ATP8A2: variants seen among roughly 807,000 people sequenced by gnomAD.
ATP8A2 encodes ATPase phospholipid transporting 8A2.
ATP8A2 carries 100 observed loss-of-function variants against 165.6 expected under a neutral mutation model. The observed-to-expected ratio is 0.60, with a 90% CI of 0.51 to 0.71. The LOEUF (loss-of-function observed/expected upper bound fraction) is 0.71, where lower values mean the gene tolerates loss of function less well. Ranked by LOEUF, ATP8A2 falls within the 30% of genes least tolerant of loss-of-function variation. The probability of loss-of-function intolerance (pLI) is 0.00; values close to 1 mark genes in which losing one functional copy is unlikely to be tolerated. For missense variants in ATP8A2, 1,227 were observed against 1,479.5 expected (o/e 0.83, Z 2.80); for synonymous variants, 543 against 548.8 (o/e 0.99, Z 0.15).
In ATP8A2 at chr13:25,870,021, G is replaced by T. The variant is rs538923884; in HGVS notation, c.3183+7613G>T. On this transcript the variant is annotated intron_variant, in intron 33 of 36. Coordinates refer to ENST00000381655, the MANE Select transcript of ATP8A2 (RefSeq NM_016529.6). ...CGTGGGCTTGGAGAATGAGTGCAAGGTGTTATTGAGTGGAAGTATCTCTCA... is the reference window on the plus strand; with the variant it reads ...CGTGGGCTTGGAGAATGAGTGCAAGTTGTTATTGAGTGGAAGTATCTCTCA... 2.5e-4 allele frequency among the ~76,000 whole-genome samples: 38 copies of T among 152,336 alleles called. 1 individual carries two copies. Among genetic ancestry groups the T allele is most frequent in the Admixed American group, 1.7e-3 (26 of 15,300 alleles).
chr13:25,376,212 C>T (rs1187879912), intron 1 of ATP8A2, among the ~76,000 whole-genome samples: 1 of 152,202 alleles, frequency 6.6e-6, no homozygotes, highest in Non-Finnish European at 1.5e-5. Flanking sequence ...GCCCACCTGC[C>T]TAGTTCAATA....
chr13:25,405,518 G>A (rs9581335), intron 1 of ATP8A2, among the ~76,000 whole-genome samples: 6,969 of 152,016 alleles, frequency 0.046, 527 homozygotes, highest in African/African-American at 0.16. Context: ...CCCTCGCTTC[G>A]GACCTCTCTC....
At chr13:25,824,450 C>T (rs932198470) in intron 27 of ATP8A2, among the ~76,000 whole-genome samples, 2 of 152,156 alleles carry the variant, frequency 1.3e-5, no homozygotes, top group South Asian at 2.1e-4. Flanking sequence ...AGATTTTCTT[C>T]GGCCGTGTGG....
At chr13:25,734,762 C>T (rs528456329) in intron 25 of ATP8A2, among the ~76,000 whole-genome samples, 1 of 152,262 alleles carries the variant, frequency 6.6e-6, no homozygotes, top group East Asian at 1.9e-4. Context: ...CCTCAGCCTC[C>T]TAAGTAGCTG....
intron 25 of ATP8A2, among the ~76,000 whole-genome samples, chr13:25,719,259 G>A (rs1364946546): frequency 6.6e-6 from 1 of 151,392 alleles, no homozygotes; most frequent in African/African-American, 2.5e-5. Context: ...GGGATTGCTT[G>A]TTTTAATTGA....
At chr13:25,805,375 G>A (rs1312738624) in intron 27 of ATP8A2, among the ~76,000 whole-genome samples, 1 of 152,014 alleles carries the variant, frequency 6.6e-6, no homozygotes, top group Non-Finnish European at 1.5e-5. Context: ...AATTAGCCAG[G>A]CATGGTGGTG....
chr13:25,467,556 G>GTTTT (rs543308826), intron 1 of ATP8A2, among the ~76,000 whole-genome samples: 1 of 143,590 alleles, frequency 7.0e-6, no homozygotes, highest in Admixed American at 6.9e-5. Context: ...TAAGATGTCA[G>GTTTT]TTTTTTTTTT....
intron 18 of ATP8A2, among the ~76,000 whole-genome samples, chr13:25,574,524 G>A (rs2039560217): frequency 6.6e-6 from 1 of 152,178 alleles, no homozygotes. Flanking sequence ...GCATAACTGG[G>A]CCAAAGGTTT....
intron 1 of ATP8A2, among the ~76,000 whole-genome samples, chr13:25,455,728 T>A (rs2035348459): frequency 6.6e-6 from 1 of 152,178 alleles, no homozygotes; most frequent in African/African-American, 2.4e-5. Context: ...GCTTCTGAGG[T>A]CAATTGCTGC....
chr13:25,502,919 T>C (rs1417305221), intron 2 of ATP8A2, among the ~76,000 whole-genome samples: 1 of 152,178 alleles, frequency 6.6e-6, no homozygotes, highest in African/African-American at 2.4e-5. Context: ...TTAAGAGGCA[T>C]TGTCAAACCT....
intron 33 of ATP8A2, among the ~76,000 whole-genome samples, chr13:25,946,477 A>ACTCCTCC (rs1955214986): frequency 6.6e-6 from 1 of 152,132 alleles, no homozygotes; most frequent in Non-Finnish European, 1.5e-5. Flanking sequence ...GTCCATCCCA[A>ACTCCTCC]CATCTTCAGC....
In ATP8A2 at chr13:25,539,497, T is replaced by A. The variant is rs115912011; in HGVS notation, c.582-822T>A. Among the ~76,000 whole-genome samples the A allele has an allele frequency of 3.3e-3, 499 of 152,094 alleles. 5 individuals are homozygous for A. Among genetic ancestry groups the A allele is most frequent in the African/African-American group, 0.011 (475 of 41,480 alleles). Reference sequence around the variant, plus strand: ...AGCATGCTCATTATTAGTGTCTGAGTGTGTGCTGTGTGCTGAACAACCTGT... The same window carrying A: ...AGCATGCTCATTATTAGTGTCTGAGAGTGTGCTGTGTGCTGAACAACCTGT... On this transcript the variant is annotated intron_variant, in intron 7 of 36. Transcript: ENST00000381655.
chr13:25,691,436 T>C (rs2042722766), intron 24 of ATP8A2, among the ~76,000 whole-genome samples: 1 of 152,238 alleles, frequency 6.6e-6, no homozygotes, highest in African/African-American at 2.4e-5. Context: ...GGTTGGCTTA[T>C]TCTGAGAAGG....
intron 13 of ATP8A2, 91 bp from the exon 14 acceptor site, chr13:25,558,882 G>A: frequency 1.2e-6 from 1 of 865,082 alleles, no homozygotes. Context: ...GTTTCATACA[G>A]GTTTTGAAAA....
chr13:25,427,243 G>A (rs984537547), intron 1 of ATP8A2, among the ~76,000 whole-genome samples: 2 of 152,076 alleles, frequency 1.3e-5, no homozygotes, highest in African/African-American at 4.8e-5. Context: ...ATTAGACTGT[G>A]CATGTGAGGG....
At chr13:25,954,286 G>A (rs1955462698) in intron 33 of ATP8A2, among the ~76,000 whole-genome samples, 1 of 152,240 alleles carries the variant, frequency 6.6e-6, no homozygotes, top group Non-Finnish European at 1.5e-5. Context: ...CAAAGCCACA[G>A]TAGCCAGACT....
chr13:25,892,013 G>A (rs930394933), intron 33 of ATP8A2, among the ~76,000 whole-genome samples: 4 of 148,676 alleles, frequency 2.7e-5, no homozygotes, highest in African/African-American at 1.0e-4. Context: ...TGGAGATGGA[G>A]TCTGGCTCTG....
At chr13:25,834,273 T>C (rs1951551303) in intron 28 of ATP8A2, among the ~76,000 whole-genome samples, 1 of 152,158 alleles carries the variant, frequency 6.6e-6, no homozygotes. Flanking sequence ...CCATTGCTGA[T>C]AGGGAAATAG....
At chr13:25,680,722 G>A (rs905995332) in intron 24 of ATP8A2, among the ~76,000 whole-genome samples, 4 of 152,196 alleles carry the variant, frequency 2.6e-5, no homozygotes, top group South Asian at 4.1e-4. Flanking sequence ...CTCCTTGTAC[G>A]TCAGTCTCTT....
Sources: gnomAD v4.1 joint callset for allele counts (sites outside exome capture counted in the v4.1 genomes callset) on GRCh38, gnomAD v4.1.1 for gene constraint, MANE v1.5 for transcripts, NCBI Gene and HGNC (gene_info 2026-07-23, HGNC 2026-07-21) for gene names.